Variants in ANXA4 observed in about 807,000 individuals in gnomAD.
The protein encoded by ANXA4 is 35-beta calcimedin.
In ANXA4, 39 loss-of-function variants were observed where a neutral mutation model predicts 49.8. That is an observed-to-expected ratio of 0.78 (90% confidence interval 0.61 to 1.02). ANXA4 has a LOEUF of 1.02. Among genes scored for constraint, ANXA4 ranks in the 50% least tolerant of loss-of-function variants. ANXA4 has a pLI of 0.00. For missense variants in ANXA4, 360 were observed against 410.1 expected (o/e 0.88, Z 1.05); for synonymous variants, 134 against 152.5 (o/e 0.88, Z 0.89).
At chr2:69,779,107 C>CA (rs70954359) in intron 1 of ANXA4, among the ~76,000 whole-genome samples, 703 of 45,358 alleles carry the variant, frequency 0.015, 52 homozygotes, top group African/African-American at 0.018. Context: ...CACTCTGCCT[C>CA]AAAAAAAAAA....
chr2:69,735,751 G>C (rs1670228946), intron 3 of ANXA4, among the ~76,000 whole-genome samples: 1 of 152,050 alleles, frequency 6.6e-6, no homozygotes. Flanking sequence ...CAAAATTCAG[G>C]GGTGTGAAAC....
Position 69,821,703 on chromosome 2 carries a change from C to T in ANXA4, c.906+882C>T, listed in dbSNP as rs548106340. ...CTGACCTCAAGTGATCCACCCGTCT[C>T]GGCCTCCCAAAGTGCTGGGATTACA... On this transcript the variant is annotated intron_variant, in intron 12 of 12. Transcript: ENST00000394295. Among the ~76,000 whole-genome samples, 8 of 152,184 alleles carry T rather than the reference C, an allele frequency of 5.3e-5. No individual in the cohort carries two copies. The East Asian group carries it at 5.8e-4, about 11-fold the overall frequency.
intron 3 of ANXA4, among the ~76,000 whole-genome samples, chr2:69,728,579 T>A (rs1670020660): frequency 6.6e-6 from 1 of 152,228 alleles, no homozygotes; most frequent in Admixed American, 6.5e-5. Context: ...AATTCATTAT[T>A]TTTTCACATG....
exon 3 of ANXA4, chr2:69,720,812 A>G (rs1669794899): frequency 6.6e-6 from 1 of 152,094 alleles, no homozygotes; most frequent in African/African-American, 2.4e-5. Context: ...AGGGTTGAGA[A>G]CTACTGCATA....
At position 69,803,197 on chromosome 2, in the gene ANXA4, A is replaced by G. The variant is rs535885125; in HGVS notation, c.98-1336A>G. Among the ~76,000 whole-genome samples, 6 of 144,568 alleles carry G rather than the reference A, an allele frequency of 4.2e-5. No homozygotes were observed. In the South Asian group the frequency reaches 1.3e-3, roughly 31 times the overall value. 94.8% of individuals were successfully genotyped at this position (144,568 alleles called of 152,430 possible). A position where few individuals can be genotyped will look rare whatever the true frequency, so the allele number is the denominator to read the frequency against. ...GAGCGAAACTCCATCTCAAAAAAAGAAAAAAAAAAAAGGAACAGAAAGTAG... is the reference window on the plus strand; with the variant it reads ...GAGCGAAACTCCATCTCAAAAAAAGGAAAAAAAAAAAGGAACAGAAAGTAG... On this transcript the variant is annotated intron_variant, in intron 3 of 12. Transcript: ENST00000394295.
At chr2:69,712,127 CACACACAT>C (rs1281389088) in intron 2 of ANXA4, among the ~76,000 whole-genome samples, 1 of 151,870 alleles carries the variant, frequency 6.6e-6, no homozygotes, top group Non-Finnish European at 1.5e-5. Flanking sequence ...CTAAACAGAC[CACACACAT>C]ACATACAGAC....
chr2:69,667,463 G>GA (rs201263622), intron 2 of ANXA4, among the ~76,000 whole-genome samples: 152 of 130,904 alleles, frequency 1.2e-3, no homozygotes, highest in Middle Eastern at 8.1e-3. Flanking sequence ...CATCTGACCT[G>GA]AAAAAAAAAA....
chr2:69,697,978 CAAAAAA>C (rs34820959), intron 2 of ANXA4, among the ~76,000 whole-genome samples: 2 of 105,660 alleles, frequency 1.9e-5, no homozygotes, highest in East Asian at 2.6e-4. Flanking sequence ...GACCCCATCT[CAAAAAA>C]AAAAAAAAAA....
In ANXA4 at chr2:69,647,691, G is replaced by A. The variant is rs1005405876; in HGVS notation, n.481+2786G>A. ...CCCAAAATGCTGGGATTACAGGCATGAGCCACCACGCCCAGCCACTTTTTA... is the reference window on the plus strand; with the variant it reads ...CCCAAAATGCTGGGATTACAGGCATAAGCCACCACGCCCAGCCACTTTTTA... On this transcript the variant is annotated intron_variant and non_coding_transcript_variant, in intron 1 of 3. Coordinates refer to the ANXA4 transcript ENST00000418066. 5.9e-5 allele frequency among the ~76,000 whole-genome samples: 9 copies of A among 151,666 alleles called. No homozygotes were observed. The East Asian group carries it at 1.7e-3, about 29-fold the overall frequency.
intron 3 of ANXA4, among the ~76,000 whole-genome samples, chr2:69,788,417 G>A (rs1004657601): frequency 1.3e-5 from 2 of 152,202 alleles, no homozygotes; most frequent in Admixed American, 6.5e-5. Flanking sequence ...GCACACACCT[G>A]TAATCCCAGC....
chr2:69,701,812 C>T (rs536127685), intron 2 of ANXA4, among the ~76,000 whole-genome samples: 23 of 139,224 alleles, frequency 1.7e-4, no homozygotes, highest in South Asian at 1.3e-3. Context: ...GATTTATTGG[C>T]GACTTTTTTT....
In ANXA4 at chr2:69,732,422, A is replaced by C. The variant is rs1029534147; in HGVS notation, n.864+11551A>C. On this transcript the variant is annotated intron_variant and non_coding_transcript_variant, in intron 3 of 3. Transcript: ENST00000418066. ...TATCTAGAAGTGATATAAACTGGGC[A>C]ATACCTCTTCCCAAACAGCAGTAGA... Among the ~76,000 whole-genome samples the C allele has an allele frequency of 9.9e-5, 15 of 152,136 alleles. No individual in the cohort carries two copies. In the South Asian group the frequency reaches 1.0e-3, roughly 11 times the overall value.
chr2:69,788,133 A>C lies in ANXA4; in HGVS notation c.89A>C (p.Lys30Thr), dbSNP rs746248184. ...GCCCAGACCCTGAGGAAGGCCATGA[A>C]AGGGCTCGGTATGTGTCCTGCTGGA... ...EDAQTLRKAM[K>T]GLGTDEDAII... is the part of the protein sequence containing the mutation. The change falls in exon 3 of 13, where the codon AAA becomes ACA. Residue 30 changes from lysine (K) to threonine (T), a missense_variant. Physicochemically the swap from Lys to Thr is moderately conservative, Grantham distance 78. Coordinates refer to ENST00000394295, the MANE Select transcript of ANXA4 (RefSeq NM_001153.5). 3.7e-6 allele frequency: 6 copies of C among 1,613,826 alleles called. No individual in the cohort carries two copies. Among genetic ancestry groups the C allele is most frequent in the Non-Finnish European group, 5.1e-6 (6 of 1,179,748 alleles).
intron 3 of ANXA4, among the ~76,000 whole-genome samples, chr2:69,802,627 C>T (rs988278079): frequency 2.0e-5 from 3 of 151,250 alleles, no homozygotes; most frequent in South Asian, 4.2e-4. Flanking sequence ...AGGAGAATCG[C>T]TTGAACCCGG....
rs778485271 is a variant in ANXA4 at position 69,818,703 on chromosome 2, G to T, written c.724+9G>T. On this transcript the variant is annotated intron_variant, in intron 10 of 12. Coordinates refer to ENST00000394295, the MANE Select transcript of ANXA4 (RefSeq NM_001153.5). The stretch of plus-strand genomic sequence containing the variant: ...TGCTCTGCTGGCTATAGGTAAGCTG[G>T]TAGGGGGAGTAGAGAAACAAATGTT... 1.9e-6 allele frequency: 3 copies of T among 1,551,758 alleles called. No individual in the cohort carries two copies. In the South Asian group the frequency reaches 3.4e-5, roughly 18 times the overall value.
rs1408641662 is a variant in ANXA4, at chr2:69,820,863, A to C, written c.906+42A>C. 4 of 1,605,186 alleles carry C rather than the reference A, an allele frequency of 2.5e-6. No homozygotes were observed. The Admixed American group carries it at 6.8e-5, about 27-fold the overall frequency. ...TAAGTCCAGAGTAAAGGATCCAGAA[A>C]AGGACCCCTCTGACCTTGGCATTTA... is the stretch of plus-strand genomic sequence containing the variant. On this transcript the variant is annotated intron_variant, in intron 12 of 12. Coordinates refer to ENST00000394295, the MANE Select transcript of ANXA4 (RefSeq NM_001153.5).
At chr2:69,653,323 A>C (rs1364048357) in intron 2 of ANXA4, 1 of 152,246 alleles carries the variant, frequency 6.6e-6, no homozygotes, top group Non-Finnish European at 1.5e-5. Context: ...GTATGCGTAA[A>C]TGATATATGA....
At chr2:69,674,284 A>G (rs954762660) in intron 2 of ANXA4, 5 of 152,138 alleles carry the variant, frequency 3.3e-5, no homozygotes, top group African/African-American at 9.7e-5. Context: ...TTTGGGCTTA[A>G]TTTCAGATAA....
At chr2:69,764,830 A>G (rs371850609) in intron 1 of ANXA4, among the ~76,000 whole-genome samples, 7 of 152,326 alleles carry the variant, frequency 4.6e-5, no homozygotes, top group African/African-American at 1.7e-4. Context: ...GAAACTCTGT[A>G]CTATTTAGCT....
Sources: allele counts gnomAD v4.1 joint callset (sites outside exome capture counted in the v4.1 genomes callset), GRCh38; gene constraint gnomAD v4.1.1; transcripts MANE v1.5; gene names NCBI Gene and HGNC (gene_info 2026-07-23, HGNC 2026-07-21).